CEP120: variants seen among roughly 807,000 people sequenced by gnomAD.
CEP120 encodes the protein centrosomal protein 120.
A neutral mutation model predicts 126.5 loss-of-function variants in CEP120; 113 were observed. That is an observed-to-expected ratio of 0.89 (90% confidence interval 0.77 to 1.04). The LOEUF (loss-of-function observed/expected upper bound fraction) is 1.04, where lower values mean the gene tolerates loss of function less well. Ranked by LOEUF, CEP120 falls within the 50% of genes least tolerant of loss-of-function variation. CEP120 has a pLI of 0.00. For missense variants in CEP120, 1,230 were observed against 1,155.7 expected, an observed-to-expected ratio of 1.06 and a Z score of -0.93; for synonymous variants, 400 against 394.3, an observed-to-expected ratio of 1.01 and a Z score of -0.17.
At chr5:123,419,664 T>C (rs943978179) in intron 1 of CEP120, among the ~76,000 whole-genome samples, 29 of 151,886 alleles carry the variant, frequency 1.9e-4, no homozygotes, top group African/African-American at 6.8e-4. Context: ...AATATTCAAA[T>C]ATTCTATCTA....
chr5:123,419,641 T>C (rs1774596707), intron 1 of CEP120, among the ~76,000 whole-genome samples: 1 of 152,116 alleles, frequency 6.6e-6, no homozygotes, highest in Admixed American at 6.5e-5. Flanking sequence ...GACAACACTG[T>C]ACACTATCAG....
chr5:123,401,163 A>C, intron 4 of CEP120: 1 of 1,610,750 alleles, frequency 6.2e-7, no homozygotes, highest in East Asian at 2.2e-5. Context: ...GCCCTCCAGC[A>C]GCTTCTTGTA....
chr5:123,391,082 A>T (rs771954649), intron 7 of CEP120, 28 bp downstream of exon 7: 3 of 1,549,948 alleles, frequency 1.9e-6, no homozygotes, highest in South Asian at 2.3e-5. Context: ...TAGTGAAGCC[A>T]GGGGAATGAA....
chr5:123,376,095 C>A (rs186221628), intron 16 of CEP120, among the ~76,000 whole-genome samples: 196 of 151,306 alleles, frequency 1.3e-3, no homozygotes, highest in African/African-American at 4.6e-3. Flanking sequence ...TTTTATGGAG[C>A]AAACAATCTG....
At chr5:123,401,207 G>T (rs1158318227) in intron 4 of CEP120, 1 of 1,612,750 alleles carries the variant, frequency 6.2e-7, no homozygotes, top group African/African-American at 1.3e-5. Flanking sequence ...CCAGCCTGAC[G>T]TTCATCAGCT....
At chr5:123,384,075 A>G (rs912197924) in intron 11 of CEP120, among the ~76,000 whole-genome samples, 1 of 152,172 alleles carries the variant, frequency 6.6e-6, no homozygotes, top group Non-Finnish European at 1.5e-5. Flanking sequence ...TTCTGTCTAC[A>G]AAGTATGGCA....
Position 123,423,288 on chromosome 5 carries a change from C to T in CEP120, c.-290G>A. On this transcript the variant is annotated 5_prime_UTR_variant, in exon 1 of 20. Coordinates refer to ENST00000306467, the MANE Select transcript of CEP120 (RefSeq NM_001375405.1). ...AGCCCGCCACCCGAGGACCTTTTGC[C>T]GCCTGCGTAGCCGCTTTTCAAACGC... The T allele has an allele frequency of 2.2e-6, 1 of 447,926 alleles. No individual in the cohort carries two copies. Among genetic ancestry groups the T allele is most frequent in the Non-Finnish European group, 4.0e-6 (1 of 251,954 alleles). The allele number at this position is 447,926 out of a possible 1,614,324, so 27.7% of individuals were successfully genotyped here. A position where few individuals can be genotyped will look rare whatever the true frequency, so the allele number is the denominator to read the frequency against.
At chr5:123,357,578 G>A (rs184052067) in intron 18 of CEP120, among the ~76,000 whole-genome samples, 3 of 152,170 alleles carry the variant, frequency 2.0e-5, no homozygotes, top group African/African-American at 4.8e-5. Context: ...ATGAAGAAAT[G>A]TAAGTGGCGT....
intron 18 of CEP120, among the ~76,000 whole-genome samples, chr5:123,357,319 CT>C (rs1769711136): frequency 6.6e-6 from 1 of 151,944 alleles, no homozygotes; most frequent in Non-Finnish European, 1.5e-5. Context: ...GAAGTGATAT[CT>C]TTTTTACTTT....
chr5:123,351,083 AAAACTGCCAAATGACAAGGTACATTTTG>A (rs1457274202), intron 18 of CEP120, among the ~76,000 whole-genome samples: 1 of 152,156 alleles, frequency 6.6e-6, no homozygotes, highest in Non-Finnish European at 1.5e-5. Flanking sequence ...TAACAAACAG[AAAACTGCCAAATGACAAGGTACATTTTG>A]ATATACTTTC....
chr5:123,403,211 A>G, intron 4 of CEP120: 1 of 445,910 alleles, frequency 2.2e-6, no homozygotes. Context: ...ATATCAGCTA[A>G]CATACCTAGC....
In CEP120 at chr5:123,423,316, G is replaced by C; in HGVS notation, c.-318C>G. The C allele has an allele frequency of 2.6e-6, 1 of 380,448 alleles. No homozygotes were observed. Among genetic ancestry groups the C allele is most frequent in the Non-Finnish European group, 4.8e-6 (1 of 210,446 alleles). The allele number at this position is 380,448 out of a possible 1,614,324, so 23.6% of individuals were successfully genotyped here. A position where few individuals can be genotyped will look rare whatever the true frequency, so the allele number is the denominator to read the frequency against. On this transcript the variant is annotated 5_prime_UTR_variant, in exon 1 of 20. Coordinates refer to ENST00000306467, the MANE Select transcript of CEP120 (RefSeq NM_001375405.1). ...CTGCGTAGCCGCTTTTCAAACGCCC[G>C]GGCGGCCGCAGCGGCCGCCGCCGCG...
rs111783790 is a variant in CEP120 at position 123,402,007 on chromosome 5, C to T, written c.464-2723G>A. Reference sequence around the variant, plus strand: ...GTCTCCAGCATCTTGTTCTGCTGCTCCAGGAACCGTACCTTGTCTATGAAG... The same window carrying T: ...GTCTCCAGCATCTTGTTCTGCTGCTTCAGGAACCGTACCTTGTCTATGAAG... On this transcript the variant is annotated intron_variant, in intron 4 of 19. Coordinates refer to ENST00000306467, the MANE Select transcript of CEP120 (RefSeq NM_001375405.1). The T allele has an allele frequency of 1.0e-3, 1,685 of 1,607,558 alleles. 9 individuals carry two copies. The African/African-American group carries it at 0.02, about 19-fold the overall frequency.
Position 123,377,430 on chromosome 5 carries a change from G to C in CEP120, c.2302C>G (p.Leu768Val). Residue 768 changes from leucine (L) to valine (V), a missense_variant, in exon 16 of 20, where the codon CTA (leucine) becomes GTA (valine). Transcript: ENST00000306467. Reference sequence around the variant, plus strand: ...AGCTGTTTGATTTTTAACCTTTCTAGTTCTACTTGGTGAATACAGTCCTCT... The same window carrying C: ...AGCTGTTTGATTTTTAACCTTTCTACTTCTACTTGGTGAATACAGTCCTCT... ...AKEDCIHQVELERLKIKQLEE... is the reference protein window; with the variant it reads ...AKEDCIHQVEVERLKIKQLEE... 1 of 1,611,344 alleles carries C rather than the reference G, an allele frequency of 6.2e-7. No homozygotes were observed. Among genetic ancestry groups the C allele is most frequent in the South Asian group, 1.1e-5 (1 of 90,688 alleles).
rs1277485362 is a variant in CEP120, at chr5:123,386,518, C to A, written c.1580G>T (p.Arg527Met). ...MPHQLQDTFL[R>M]IPLLVELWHK... ...ATCATACATACACTGTATGCATTAC[C>A]TTAAGAAGGTGTCTTGCAGCTGATG... Residue 527 changes from arginine (R) to methionine (M), a missense_variant and splice_region_variant, in exon 10 of 20, where the codon AGG becomes ATG. Transcript: ENST00000306467. 1 of 1,555,450 alleles carries A rather than the reference C, an allele frequency of 6.4e-7. No homozygotes were observed.
chr5:123,376,767 G>A (rs1771255466), intron 16 of CEP120, among the ~76,000 whole-genome samples: 2 of 152,084 alleles, frequency 1.3e-5, no homozygotes, highest in Admixed American at 1.3e-4. Context: ...CCCTGCATGT[G>A]AAAGTCCCAG....
intron 4 of CEP120, chr5:123,400,892 T>C (rs1361545393): frequency 1.5e-6 from 2 of 1,326,668 alleles, no homozygotes; most frequent in Non-Finnish European, 2.1e-6. Flanking sequence ...GCAGGAGGGG[T>C]AGGCTGGGAG....
In CEP120 at chr5:123,364,724, C is replaced by G. The variant is rs1032038051; in HGVS notation, c.2482-130G>C. ...GTGTAACATACGACATCATCTAAAACTGTTATATAATTTACTATAAATATT... is the reference window on the plus strand; with the variant it reads ...GTGTAACATACGACATCATCTAAAAGTGTTATATAATTTACTATAAATATT... On this transcript the variant is annotated intron_variant, in intron 17 of 19. Coordinates refer to ENST00000306467, the MANE Select transcript of CEP120 (RefSeq NM_001375405.1). The G allele has an allele frequency of 1.0e-5, 4 of 397,602 alleles. No individual in the cohort carries two copies. In the Admixed American group the frequency reaches 1.3e-4, roughly 13 times the overall value. The allele number at this position is 397,602 out of a possible 1,614,324, so 24.6% of individuals were successfully genotyped here. A position where few individuals can be genotyped will look rare whatever the true frequency, so the allele number is the denominator to read the frequency against.
At chr5:123,414,832 C>T (rs189958348) in intron 3 of CEP120, among the ~76,000 whole-genome samples, 1 of 151,662 alleles carries the variant, frequency 6.6e-6, no homozygotes, top group Non-Finnish European at 1.5e-5. Context: ...ATTAGCTGGG[C>T]ATGGTGGCGG....
Sources: allele counts gnomAD v4.1 joint callset (sites outside exome capture counted in the v4.1 genomes callset), GRCh38; gene constraint gnomAD v4.1.1; transcripts MANE v1.5; gene names NCBI Gene and HGNC (gene_info 2026-07-23, HGNC 2026-07-21).